SLC22A14: variants seen among roughly 807,000 people sequenced by gnomAD.
SLC22A14 encodes the protein organic cation transporter-like 4.
In SLC22A14, 50 loss-of-function variants were observed where a neutral mutation model predicts 53.9. That is an observed-to-expected ratio of 0.93 (90% CI 0.74 to 1.17). SLC22A14 has a LOEUF of 1.17. SLC22A14 is among the 50% of genes most tolerant of loss of function. The pLI, the probability that SLC22A14 is intolerant of heterozygous loss-of-function variation, is 0.00. For missense variants in SLC22A14, 671 were observed against 734.7 expected (o/e 0.91, Z 1.00); for synonymous variants, 312 against 303.0 (o/e 1.03, Z -0.31).
At position 38,307,113 on chromosome 3, in the gene SLC22A14, G is replaced by C; in HGVS notation, c.517-141G>C. The C allele has an allele frequency of 1.5e-6, 1 of 683,630 alleles. No homozygotes were observed. The highest frequency in any genetic ancestry group is 2.7e-6 in the Non-Finnish European group (1 of 372,094). 42.3% of individuals were successfully genotyped at this position (683,630 alleles called of 1,614,324 possible). On this transcript the variant is annotated intron_variant, in intron 2 of 10. Coordinates refer to ENST00000448498, the MANE Select transcript of SLC22A14 (RefSeq NM_001320033.2). The surrounding 1 kb of genome is among the most constrained non-coding windows in gnomAD (Gnocchi z 4.4). ...GGGGTTGCAGAGGTAACAGAGCAGA[G>C]GCAACAGCTGAGGCACGCTGCACAC... is the stretch of plus-strand genomic sequence containing the variant.
At chr3:38,291,391 A>G (rs1475850441) in intron 1 of SLC22A14, among the ~76,000 whole-genome samples, 1 of 152,240 alleles carries the variant, frequency 6.6e-6, no homozygotes, top group African/African-American at 2.4e-5. Context: ...GAGTTGCACA[A>G]GTGCACAGTT....
intron 1 of SLC22A14, among the ~76,000 whole-genome samples, chr3:38,283,447 A>G (rs1703718100): frequency 6.6e-6 from 1 of 152,014 alleles, no homozygotes; most frequent in African/African-American, 2.4e-5. Context: ...GAGATAAGGG[A>G]TCCCGAACTC....
At chr3:38,308,832 G>T in intron 4 of SLC22A14, 122 bp from the exon 5 acceptor site, 1 of 877,670 alleles carries the variant, frequency 1.1e-6, no homozygotes, top group South Asian at 1.6e-5. Context: ...GAGACGAGCA[G>T]AAGAAGCTTT....
At position 38,306,466 on chromosome 3, in the gene SLC22A14, T is replaced by G; in HGVS notation, c.440T>G (p.Phe147Cys). ...VPWNLDSIIQ[F>C]GLNDTDTCQD... is the part of the protein sequence containing the mutation. ...TGGAATCTGGATTCTATCATCCAGTTTGGCCTCAATGACACAGACACATGC... is the reference window on the plus strand; with the variant it reads ...TGGAATCTGGATTCTATCATCCAGTGTGGCCTCAATGACACAGACACATGC... Residue 147 changes from phenylalanine to cysteine, a missense_variant, in exon 2 of 11, where the codon TTT (phenylalanine) becomes TGT (cysteine). Coordinates refer to ENST00000448498, the MANE Select transcript of SLC22A14 (RefSeq NM_001320033.2). 6.2e-7 allele frequency: 1 copy of G among 1,614,222 alleles called. No homozygotes were observed. Among genetic ancestry groups the G allele is most frequent in the Non-Finnish European group, 8.5e-7 (1 of 1,180,038 alleles).
chr3:38,312,721 G>A (rs1704501055), intron 5 of SLC22A14, among the ~76,000 whole-genome samples: 1 of 152,222 alleles, frequency 6.6e-6, no homozygotes, highest in African/African-American at 2.4e-5. Context: ...AGCTCTCAGT[G>A]ATTACTGAGG....
chr3:38,316,399 C>T lies in SLC22A14; in HGVS notation c.1608C>T (p.Thr536=). The part of the protein sequence containing the change: ...AILSLTIISQ[T]PSLLPIFLCC... Reference sequence around the variant, plus strand: ...TGTCCCTGACAATCATCAGCCAGACCCCCTCCCTCCTGCCCATCTTTCTCT... The same window carrying T: ...TGTCCCTGACAATCATCAGCCAGACTCCCTCCCTCCTGCCCATCTTTCTCT... Residue 536 remains threonine (T), a synonymous_variant, in exon 10 of 11, where the codon ACC becomes ACT. Coordinates refer to ENST00000448498, the MANE Select transcript of SLC22A14 (RefSeq NM_001320033.2). The T allele has an allele frequency of 6.2e-7, 1 of 1,614,156 alleles. No homozygotes were observed. The highest frequency in any genetic ancestry group is 8.5e-7 in the Non-Finnish European group (1 of 1,179,996).
At chr3:38,309,162 G>C (rs1051088534) in intron 5 of SLC22A14, 40 bp downstream of exon 5, 3 of 1,548,568 alleles carry the variant, frequency 1.9e-6, no homozygotes, top group Non-Finnish European at 2.7e-6. Flanking sequence ...GGCTGGGTCT[G>C]ATGGGCTGGA....
At chr3:38,287,305 A>G (rs1703815606) in intron 1 of SLC22A14, among the ~76,000 whole-genome samples, 2 of 152,200 alleles carry the variant, frequency 1.3e-5, no homozygotes, top group Admixed American at 1.3e-4. Context: ...TCAAATTTAT[A>G]AATTTAAAAT....
intron 1 of SLC22A14, among the ~76,000 whole-genome samples, chr3:38,282,904 C>T (rs1235641652): frequency 6.6e-6 from 1 of 152,180 alleles, no homozygotes; most frequent in Non-Finnish European, 1.5e-5. Context: ...GCTGCTATAA[C>T]AAATGCCCAC....
At chr3:38,280,183 T>G (rs1703636712), upstream of SLC22A14, among the ~76,000 whole-genome samples, 1 of 152,202 alleles carries the variant, frequency 6.6e-6, no homozygotes. Context: ...TCCTCTTTCC[T>G]TCCACTAATC....
At position 38,287,030 on chromosome 3, in the gene SLC22A14, C is replaced by T. The variant is rs565321624; in HGVS notation, c.-1+4691C>T. On this transcript the variant is annotated intron_variant, in intron 1 of 10. Transcript: ENST00000448498. ...GGGATTACAGGTGTGACCCACTGTG[C>T]TTGGCTTGATTTGTGGTTCTGTACA... Among the ~76,000 whole-genome samples the T allele has an allele frequency of 8.8e-4, 134 of 152,238 alleles. 1 individual carries two copies. In the Middle Eastern group the frequency reaches 0.024, roughly 27 times the overall value.
At chr3:38,305,990 G>A (rs1254702872) in intron 1 of SLC22A14, 37 bp from the exon 2 acceptor site, 2 of 1,569,588 alleles carry the variant, frequency 1.3e-6, no homozygotes, top group East Asian at 2.2e-5. Flanking sequence ...AGGAAGTGGT[G>A]TCAGCAGAGA....
Position 38,288,457 on chromosome 3 carries a change from T to C in SLC22A14, c.-1+6118T>C, listed in dbSNP as rs1024740686. On this transcript the variant is annotated intron_variant, in intron 1 of 10. Transcript: ENST00000448498. Reference sequence around the variant, plus strand: ...TTTTGTGTATGTACCCAGAATTAGATTGTTGGATCAAATGGTACTCCTATT... The same window carrying C: ...TTTTGTGTATGTACCCAGAATTAGACTGTTGGATCAAATGGTACTCCTATT... Among the ~76,000 whole-genome samples, 18 of 152,206 alleles carry C rather than the reference T, an allele frequency of 1.2e-4. 1 individual carries two copies. Among genetic ancestry groups the C allele is most frequent in the Non-Finnish European group, 1.5e-5 (1 of 68,034 alleles).
At chr3:38,316,745 C>T (rs141482629) in intron 10 of SLC22A14, among the ~76,000 whole-genome samples, 17 of 152,358 alleles carry the variant, frequency 1.1e-4, no homozygotes, top group Non-Finnish European at 2.4e-4. Flanking sequence ...CCTCCTGACC[C>T]GGACTGGGCC....
At position 38,306,375 on chromosome 3, in the gene SLC22A14, A is replaced by G; in HGVS notation, c.349A>G (p.Asn117Asp). The G allele has an allele frequency of 6.2e-7, 1 of 1,614,182 alleles. No individual in the cohort carries two copies. Among genetic ancestry groups the G allele is most frequent in the South Asian group, 1.1e-5 (1 of 91,086 alleles). Reference sequence around the variant, plus strand: ...CCACCTGTCCAAAGCTGAGCAGCTGAATCTGACCATACCCCAAGCACCCAA... The same window carrying G: ...CCACCTGTCCAAAGCTGAGCAGCTGGATCTGACCATACCCCAAGCACCCAA... ...GPHLSKAEQL[N>D]LTIPQAPNGS... The change falls in exon 2 of 11, where the codon AAT becomes GAT. Residue 117 changes from asparagine to aspartate, a missense_variant. Asn to Asp is a conservative substitution (Grantham distance 23, BLOSUM62 1). Transcript: ENST00000448498.
chr3:38,309,842 C>T (rs930102183), intron 5 of SLC22A14, among the ~76,000 whole-genome samples: 1 of 152,124 alleles, frequency 6.6e-6, no homozygotes. Flanking sequence ...CTGCATGAAG[C>T]AATGATCATA....
chr3:38,307,770 G>A lies in SLC22A14; in HGVS notation c.775+50G>A, dbSNP rs760809449. 47 of 1,595,194 alleles carry A rather than the reference G, an allele frequency of 2.9e-5. No homozygotes were observed. Among genetic ancestry groups the A allele is most frequent in the South Asian group, 7.8e-5 (7 of 89,660 alleles). On this transcript the variant is annotated intron_variant, in intron 4 of 10. Transcript: ENST00000448498. This position sits in a 1 kb window ranked among gnomAD's most constrained non-coding sequence, Gnocchi z 4.4. The stretch of plus-strand genomic sequence containing the variant: ...GGGCAGGGTGGCACAGGGGCATGGC[G>A]GCATAGGCGGGTGACAAGGGGACAT...
rs1333278904 is a variant in SLC22A14, at chr3:38,307,681, C to T, written c.736C>T (p.Gln246Ter). Residue 246 changes from glutamine (Q) to a stop codon, truncating the protein, a stop_gained, in exon 4 of 11, where the codon CAG (glutamine) becomes TAG (stop). Transcript: ENST00000448498. LOFTEE classifies it high-confidence loss of function. The surrounding 1 kb of genome is among the most constrained non-coding windows in gnomAD (Gnocchi z 4.4). The stretch of plus-strand genomic sequence containing the variant: ...TTTGTTCTTTCGCTTTGGCATCTCG[C>T]AGTCAGTGGTGGGCTACGCCATCAG... ...LYLFFRFGIS[Q>*]SVVGYAISSI... 2 of 1,614,108 alleles carry T rather than the reference C, an allele frequency of 1.2e-6. No individual in the cohort carries two copies. The highest frequency in any genetic ancestry group is 1.7e-6 in the Non-Finnish European group (2 of 1,180,044).
intron 1 of SLC22A14, among the ~76,000 whole-genome samples, chr3:38,300,817 C>T (rs375376100): frequency 4.6e-5 from 7 of 152,142 alleles, no homozygotes; most frequent in Non-Finnish European, 7.4e-5. Flanking sequence ...TGGTACAATG[C>T]GGTTCAAGGT....
Sources: allele counts gnomAD v4.1 joint callset (sites outside exome capture counted in the v4.1 genomes callset), GRCh38; gene constraint gnomAD v4.1.1; non-coding constraint Gnocchi (gnomAD v3.1); transcripts MANE v1.5; gene names NCBI Gene and HGNC (gene_info 2026-07-23, HGNC 2026-07-21).